NCOA2: variants seen among roughly 807,000 people sequenced by gnomAD.
NCOA2 encodes the protein nuclear receptor coactivator 2.
A neutral mutation model predicts 145.1 loss-of-function variants in NCOA2; 21 were observed. The observed-to-expected ratio is 0.14, with a 90% CI of 0.10 to 0.21. NCOA2 has a LOEUF of 0.21. Among genes scored for constraint, NCOA2 ranks in the 10% least tolerant of loss-of-function variants. NCOA2 has a pLI of 1.00. For missense variants in NCOA2, 1,472 were observed against 1,837.6 expected (o/e 0.80, Z 3.64); for synonymous variants, 619 against 637.5 (o/e 0.97, Z 0.44).
At chr8:70,321,664 A>G (rs908733936) in intron 1 of NCOA2, among the ~76,000 whole-genome samples, 2 of 152,130 alleles carry the variant, frequency 1.3e-5, no homozygotes, top group Non-Finnish European at 2.9e-5. Context: ...GAAGCAAAAC[A>G]GCATTCTTTC....
the NCOA2 span, chr8:70,424,532 T>C: frequency 1.1e-5 from 6 of 530,052 alleles, no homozygotes; most frequent in Admixed American, 7.8e-5. Context: ...TGGTGTTGAG[T>C]ACTCGCAAAA....
At position 70,396,363 on chromosome 8, in the gene NCOA2, T is replaced by C. The variant is rs568084316; in HGVS notation, c.-77+7337A>G. ...GTGAGAACAACAGGCAACCTGAATA[T>C]GCTCTTGCAAAATACACTCCCTACT... is the stretch of plus-strand genomic sequence containing the variant. On this transcript the variant is annotated intron_variant, in intron 1 of 22. Transcript: ENST00000452400. Among the ~76,000 whole-genome samples, 22 of 152,370 alleles carry C rather than the reference T, an allele frequency of 1.4e-4. No individual in the cohort carries two copies. The South Asian group carries it at 3.3e-3, about 23-fold the overall frequency.
intron 8 of NCOA2, among the ~76,000 whole-genome samples, chr8:70,163,107 G>A (rs1179534294): frequency 1.3e-5 from 2 of 151,924 alleles, no homozygotes; most frequent in African/African-American, 2.4e-5. Context: ...TACAGATGAG[G>A]TTTTGCCATG....
chr8:70,126,043 T>C (rs1808377041), intron 19 of NCOA2, among the ~76,000 whole-genome samples: 2 of 152,250 alleles, frequency 1.3e-5, no homozygotes, highest in Admixed American at 6.5e-5. Flanking sequence ...ATTATCTTTC[T>C]GTTCTTTAAA....
intron 15 of NCOA2, among the ~76,000 whole-genome samples, chr8:70,135,378 C>T (rs924528770): frequency 5.9e-5 from 9 of 152,194 alleles, no homozygotes; most frequent in African/African-American, 1.7e-4. Context: ...CATCCTCTAC[C>T]TCTTTTTGGC....
In NCOA2 at chr8:70,166,639, T is replaced by G. The variant is rs199861060; in HGVS notation, c.657A>C (p.Glu219Asp). Residue 219 changes from glutamate to aspartate, a missense_variant, in exon 7 of 23, where the codon GAA becomes GAC. Coordinates refer to ENST00000452400, the MANE Select transcript of NCOA2 (RefSeq NM_006540.4). The part of the protein sequence containing the change: ...DSEEEGHDNQ[E>D]AHQKYETMQC... ...GCATAGTTTCATATTTCTGATGAGC[T>G]TCCTGGTTATCATGACCCTCCTCTT... 2.4e-5 allele frequency: 38 copies of G among 1,614,012 alleles called. No individual in the cohort carries two copies. In the African/African-American group the frequency reaches 4.7e-4, roughly 20 times the overall value.
chr8:70,201,939 C>T (rs1427303488), intron 4 of NCOA2, among the ~76,000 whole-genome samples: 2 of 152,110 alleles, frequency 1.3e-5, no homozygotes, highest in African/African-American at 4.8e-5. Context: ...AGAATCTCCC[C>T]GCTCCCATTT....
At chr8:70,363,739 T>C (rs910325019) in intron 1 of NCOA2, among the ~76,000 whole-genome samples, 1 of 152,080 alleles carries the variant, frequency 6.6e-6, no homozygotes, top group African/African-American at 2.4e-5. Flanking sequence ...GAACTGAGGG[T>C]AGGGTTGGCA....
intron 2 of NCOA2, among the ~76,000 whole-genome samples, chr8:70,222,968 T>C (rs1586159903): frequency 6.6e-6 from 1 of 152,212 alleles, no homozygotes; most frequent in Admixed American, 6.5e-5. Context: ...AGCCAGTTAC[T>C]GGACTGCTTA....
the NCOA2 span, among the ~76,000 whole-genome samples, chr8:70,425,960 A>G: frequency 6.6e-6 from 1 of 152,172 alleles, no homozygotes; most frequent in East Asian, 1.9e-4. Flanking sequence ...TGGAATGTGA[A>G]TGGAACTGGA....
chr8:70,285,961 A>G (rs1826202763), intron 2 of NCOA2, among the ~76,000 whole-genome samples: 1 of 152,188 alleles, frequency 6.6e-6, no homozygotes, highest in African/African-American at 2.4e-5. Context: ...TCATCTCTCT[A>G]TACCTTAGTG....
intron 6 of NCOA2, among the ~76,000 whole-genome samples, chr8:70,168,442 T>C (rs1446159229): frequency 6.6e-6 from 1 of 152,118 alleles, no homozygotes; most frequent in East Asian, 1.9e-4. Context: ...CCTCAGCCTC[T>C]GGAGAAGCTG....
chr8:70,152,441 T>C (rs1177403565), intron 11 of NCOA2, among the ~76,000 whole-genome samples: 1 of 152,248 alleles, frequency 6.6e-6, no homozygotes, highest in African/African-American at 2.4e-5. Flanking sequence ...AATACAATTC[T>C]ACCACATCTG....
intron 4 of NCOA2, among the ~76,000 whole-genome samples, chr8:70,202,180 CAG>C (rs942729637): frequency 2.0e-4 from 31 of 152,270 alleles, no homozygotes; most frequent in African/African-American, 7.0e-4. Flanking sequence ...AAACCACCCC[CAG>C]AGAGTAAGTG....
chr8:70,126,071 T>C (rs1808379697), intron 19 of NCOA2, among the ~76,000 whole-genome samples: 1 of 152,240 alleles, frequency 6.6e-6, no homozygotes, highest in Non-Finnish European at 1.5e-5. Flanking sequence ...GAGACTTGGA[T>C]TTCGGCAACA....
chr8:70,348,183 T>C (rs913998583), intron 1 of NCOA2, among the ~76,000 whole-genome samples: 1 of 152,090 alleles, frequency 6.6e-6, no homozygotes, highest in African/African-American at 2.4e-5. Flanking sequence ...TAGCAAAGAA[T>C]CTAAGAGATT....
chr8:70,329,353 G>A (rs1586507905), intron 1 of NCOA2, among the ~76,000 whole-genome samples: 1 of 151,810 alleles, frequency 6.6e-6, no homozygotes, highest in South Asian at 2.1e-4. Flanking sequence ...TCAAGCAATC[G>A]ACCCACCTCA....
At chr8:70,138,582 A>G (rs146330737) in intron 14 of NCOA2, among the ~76,000 whole-genome samples, 29 of 152,354 alleles carry the variant, frequency 1.9e-4, no homozygotes, top group African/African-American at 6.3e-4. Flanking sequence ...AATACTCAAA[A>G]AAGTTTTTAT....
intron 1 of NCOA2, among the ~76,000 whole-genome samples, chr8:70,360,781 T>A (rs1480539167): frequency 4.0e-5 from 6 of 151,686 alleles, no homozygotes; most frequent in African/African-American, 1.5e-4. Context: ...CTACTAAAAA[T>A]ACAAAAATGA....
Sources: allele counts gnomAD v4.1 joint callset (sites outside exome capture counted in the v4.1 genomes callset), GRCh38; gene constraint gnomAD v4.1.1; transcripts MANE v1.5; gene names NCBI Gene and HGNC (gene_info 2026-07-23, HGNC 2026-07-21).